The following MYH3 variants were observed in gnomAD, a reference collection of about 807,000 sequenced individuals.
MYH3 encodes myosin heavy chain 3, also known as myosin-3.
Under a neutral mutation model 238.0 loss-of-function variants are expected in MYH3, and 130 were observed. That is an observed-to-expected ratio of 0.55 (90% confidence interval 0.47 to 0.63). The LOEUF (loss-of-function observed/expected upper bound fraction) is 0.63. Among genes scored for constraint, MYH3 ranks in the 30% least tolerant of loss-of-function variants. The probability of loss-of-function intolerance (pLI) is 0.00; values close to 1 mark genes in which losing one functional copy is unlikely to be tolerated. For missense variants in MYH3, 1,853 were observed against 2,374.9 expected, an observed-to-expected ratio of 0.78 and a Z score of 4.57; for synonymous variants, 880 against 924.1, an observed-to-expected ratio of 0.95 and a Z score of 0.86.
In MYH3 at chr17:10,641,152, G is replaced by A. The variant is rs2074267327; in HGVS notation, c.2098C>T (p.Leu700=). 2 of 1,614,050 alleles carry A rather than the reference G, an allele frequency of 1.2e-6. No individual in the cohort carries two copies. The highest frequency in any genetic ancestry group is 1.7e-5 in the Admixed American group (1 of 60,022). The part of the protein sequence containing the change: ...VLHQLRCNGV[L]EGIRICRKGF... ...TTCCTGCAGATGCGGATGCCCTCCA[G>A]GACACCGTTACACCGCAGCTGGTGC... The change falls in exon 19 of 41, where the codon CTG becomes TTG. Residue 700 remains leucine (L), a synonymous_variant. Transcript: ENST00000583535.
chr17:10,646,356 G>A lies in MYH3; in HGVS notation c.899-324C>T, dbSNP rs142650171. Among the ~76,000 whole-genome samples the A allele has an allele frequency of 2.0e-5, 3 of 152,250 alleles. No homozygotes were observed. The East Asian group carries it at 5.8e-4, about 30-fold the overall frequency. On this transcript the variant is annotated intron_variant, in intron 10 of 40. Coordinates refer to ENST00000583535, the MANE Select transcript of MYH3 (RefSeq NM_002470.4). ...AAACTGGCTGAGTGCGGGTCAGGAC[G>A]AGAGCCAACCCAGGTGGTTTGGTAT...
At position 10,630,384 on chromosome 17, in the gene MYH3, C is replaced by T. The variant is rs142807119; in HGVS notation, c.5361G>A (p.Leu1787=). 4 of 1,614,088 alleles carry T rather than the reference C, an allele frequency of 2.5e-6. No individual in the cohort carries two copies. The African/African-American group carries it at 5.3e-5, about 22-fold the overall frequency. ...SAHLERMKKN[L]EQTVKDLQHR... ...GCTGCAGGTCCTTCACCGTCTGTTC[C>T]AGGTTCTTCTTCATCCGCTCAAGGT... The change falls in exon 37 of 41, where the codon CTG becomes CTA. Residue 1787 remains leucine, a synonymous_variant. Transcript: ENST00000583535.
chr17:10,630,255 G>A, intron 37 of MYH3, 33 bp downstream of exon 37: 6 of 1,597,686 alleles, frequency 3.8e-6, no homozygotes, highest in Non-Finnish European at 5.1e-6. Context: ...AGGCTGGAAA[G>A]CTCAGCGCAG....
intron 7 of MYH3, 116 bp downstream of exon 7, chr17:10,649,461 G>C: frequency 1.2e-6 from 1 of 859,760 alleles, no homozygotes; most frequent in Non-Finnish European, 2.0e-6. Flanking sequence ...GTAAATCCTA[G>C]CCTGTTCTCC....
chr17:10,640,446 C>A lies in MYH3; in HGVS notation c.2313G>T (p.Leu771=). 1 of 1,614,204 alleles carries A rather than the reference C, an allele frequency of 6.2e-7. No individual in the cohort carries two copies. Among genetic ancestry groups the A allele is most frequent in the South Asian group, 1.1e-5 (1 of 91,088 alleles). Residue 771 remains leucine (L), a synonymous_variant, in exon 21 of 41, where the codon CTG becomes CTT. Coordinates refer to ENST00000583535, the MANE Select transcript of MYH3 (RefSeq NM_002470.4). ...HTKVFFKAGL[L]GTLEEMRDDR... is the part of the protein sequence containing the mutation. ...CATCCCGCATCTCTTCCAGGGTTCC[C>A]AGCAAGCCAGCCTTGAAGAACACCT...
In MYH3 at chr17:10,652,480, G is replaced by A; in HGVS notation, c.288C>T (p.His96=). The change falls in exon 4 of 41, where the codon CAC becomes CAT. Residue 96 remains histidine (H), a synonymous_variant. Transcript: ENST00000583535. The part of the protein sequence containing the change: ...DRIEDMAMLT[H]LNEPAVLYNL... ...TGTACAGCACGGCTGGCTCATTCAG[G>A]TGCGTCAGCATGGCCATGTCTTCGA... 1 of 1,614,084 alleles carries A rather than the reference G, an allele frequency of 6.2e-7. No individual in the cohort carries two copies. Among genetic ancestry groups the A allele is most frequent in the South Asian group, 1.1e-5 (1 of 91,084 alleles).
At chr17:10,672,235 C>T in the MYH3 span, among the ~76,000 whole-genome samples, 129 of 152,266 alleles carry the variant, frequency 8.5e-4, 1 homozygote, top group African/African-American at 3.0e-3. Flanking sequence ...TCTTGATCAT[C>T]ATACTATCTT....
rs2074127337 is a variant in MYH3, at chr17:10,629,312, GA to G, written c.5796+284del. 3.9e-5 allele frequency among the ~76,000 whole-genome samples: 6 copies of G among 152,218 alleles called. No homozygotes were observed. In the South Asian group the frequency reaches 1.2e-3, roughly 32 times the overall value. On this transcript the variant is annotated intron_variant, in intron 40 of 40. Transcript: ENST00000583535. ...TTCTGTTTCTGTGTTAGTTTGCTGA[GA>G]ATGATGGCTTCCAGCTTCATCCATG... is the stretch of plus-strand genomic sequence containing the variant.
chr17:10,665,182 G>A, the MYH3 span, among the ~76,000 whole-genome samples: 12 of 151,610 alleles, frequency 7.9e-5, no homozygotes, highest in Non-Finnish European at 1.3e-4. Flanking sequence ...TTGCTCTGTC[G>A]TCCAGGCTGG....
chr17:10,663,117 G>GAAATAAAATA, the MYH3 span, among the ~76,000 whole-genome samples: 9 of 151,336 alleles, frequency 5.9e-5, no homozygotes, highest in Non-Finnish European at 8.8e-5. Context: ...AAAGTAAACT[G>GAAATAAAATA]AAATAAAATA....
At chr17:10,644,200 A>AT in intron 14 of MYH3, 151 bp downstream of exon 14, 1 of 808,962 alleles carries the variant, frequency 1.2e-6, no homozygotes, top group South Asian at 1.6e-5. Context: ...AACCCTTCCA[A>AT]TAAGTACCGC....
rs569234224 is a variant in MYH3, at chr17:10,643,384, CT to C, written c.1411-389del. Among the ~76,000 whole-genome samples, 4 of 144,834 alleles carry C rather than the reference CT, an allele frequency of 2.8e-5. No individual in the cohort carries two copies. Among genetic ancestry groups the C allele is most frequent in the East Asian group, 2.0e-4 (1 of 5,014 alleles). On this transcript the variant is annotated intron_variant, in intron 14 of 40. Coordinates refer to ENST00000583535, the MANE Select transcript of MYH3 (RefSeq NM_002470.4). ...TGAGTGGCTATGCACTTTTTTTTTT[CT>C]TTTTTTTTTGAGACGGAGTCTTGCT...
At chr17:10,652,704 C>T in intron 3 of MYH3, 141 bp from the exon 4 acceptor site, 10 of 927,454 alleles carry the variant, frequency 1.1e-5, no homozygotes, top group Non-Finnish European at 1.4e-5. Flanking sequence ...TCACTGCAAG[C>T]TCCACCTCCC....
At chr17:10,644,064 G>A (rs777756802) in intron 14 of MYH3, among the ~76,000 whole-genome samples, 3 of 151,908 alleles carry the variant, frequency 2.0e-5, no homozygotes, top group Admixed American at 1.3e-4. Flanking sequence ...GGAGGCTGAG[G>A]CAGGAGGTTC....
chr17:10,674,343 T>G, the MYH3 span: 19 of 178,808 alleles, frequency 1.1e-4, no homozygotes, highest in Non-Finnish European at 2.0e-4. Context: ...GCAGAATCAC[T>G]TGAACCAGGG....
chr17:10,631,844 G>C lies in MYH3; in HGVS notation c.5129C>G (p.Ser1710Cys), dbSNP rs1261393431. Residue 1710 changes from serine to cysteine, a missense_variant, in exon 35 of 41, where the codon TCC (serine) becomes TGC (cysteine). This residue lies in a region of MYH3 where 1,044 missense variants were observed against 1,192.6 expected (regional missense o/e 0.88). Coordinates refer to ENST00000583535, the MANE Select transcript of MYH3 (RefSeq NM_002470.4). ...ATGCAGCAGCTGCACCCTCTCGTTGGAGTCCAGGAGCTCCTGTTCCGCCAG... is the reference window on the plus strand; with the variant it reads ...ATGCAGCAGCTGCACCCTCTCGTTGCAGTCCAGGAGCTCCTGTTCCGCCAG... ...RKLAEQELLDSNERVQLLHTQ... is the reference protein window; with the variant it reads ...RKLAEQELLDCNERVQLLHTQ... The C allele has an allele frequency of 2.5e-6, 4 of 1,613,980 alleles. No individual in the cohort carries two copies.
In MYH3 at chr17:10,654,531, A is replaced by AT. The variant is rs2074409667; in HGVS notation, c.204+329_204+330insA. ...GGCTACCAAAGGAGAGTGTTCTGAA[A>AT]CAGCGCTCATTCATGTTGAACTCCC... On this transcript the variant is annotated intron_variant, in intron 3 of 40. Transcript: ENST00000583535. The surrounding 1 kb of genome is among the most constrained non-coding windows in gnomAD (Gnocchi z 4.5). Among the ~76,000 whole-genome samples, 1 of 152,268 alleles carries AT rather than the reference A, an allele frequency of 6.6e-6. No homozygotes were observed. Among genetic ancestry groups the AT allele is most frequent in the Non-Finnish European group, 1.5e-5 (1 of 68,052 alleles).
chr17:10,672,234 T>G, the MYH3 span, among the ~76,000 whole-genome samples: 76,502 of 152,046 alleles, frequency 0.5, 19,978 homozygotes, highest in African/African-American at 0.64. Context: ...ATCTTGATCA[T>G]CATACTATCT....
At position 10,628,626 on chromosome 17, in the gene MYH3, C is replaced by T; in HGVS notation, c.*27G>A. ...TCAAGAAAATATACATTTTGCATAT[C>T]TTCTGTCCTGCTCCAGAAGGGCTGG... On this transcript the variant is annotated 3_prime_UTR_variant, in exon 41 of 41. Coordinates refer to ENST00000583535, the MANE Select transcript of MYH3 (RefSeq NM_002470.4). 1.2e-6 allele frequency: 2 copies of T among 1,612,588 alleles called. No homozygotes were observed. The highest frequency in any genetic ancestry group is 1.1e-5 in the South Asian group (1 of 91,056).
Sources: gnomAD v4.1 joint callset for allele counts (sites outside exome capture counted in the v4.1 genomes callset) on GRCh38, gnomAD v4.1.1 for gene constraint, gnomAD v4.1.1 regional missense constraint, Gnocchi (gnomAD v3.1) non-coding constraint, MANE v1.5 for transcripts, NCBI Gene and HGNC (gene_info 2026-07-23, HGNC 2026-07-21) for gene names.